The following LCMT1 variants were observed in gnomAD, a reference collection of about 807,000 sequenced individuals.
LCMT1 encodes the protein leucine carboxyl methyltransferase 1.
A neutral mutation model predicts 47.7 loss-of-function variants in LCMT1; 32 were observed. That is an observed-to-expected ratio of 0.67 (90% CI 0.51 to 0.90). The LOEUF (loss-of-function observed/expected upper bound fraction) is 0.90, where lower values mean the gene tolerates loss of function less well. LCMT1 is among the 40% of genes least tolerant of loss of function. LCMT1 has a pLI of 0.00. For missense variants in LCMT1, 375 were observed against 415.2 expected (o/e 0.90, Z 0.84); for synonymous variants, 152 against 149.7 (o/e 1.02, Z -0.11).
At chr16:25,156,380 G>A (rs1961257119) in intron 5 of LCMT1, among the ~76,000 whole-genome samples, 1 of 152,244 alleles carries the variant, frequency 6.6e-6, no homozygotes, top group Admixed American at 6.5e-5. Context: ...TGCACAGACA[G>A]TGTTGAATGA....
intron 1 of LCMT1, among the ~76,000 whole-genome samples, chr16:25,117,823 GCCTGGGCGACAGAGA>G (rs1959845451): frequency 6.6e-6 from 1 of 150,990 alleles, no homozygotes; most frequent in African/African-American, 2.4e-5. Context: ...CTGCATTCCG[GCCTGGGCGACAGAGA>G]GAGACTCCGT....
intron 3 of LCMT1, among the ~76,000 whole-genome samples, chr16:25,134,543 G>A (rs910965723): frequency 6.6e-6 from 1 of 152,122 alleles, no homozygotes; most frequent in African/African-American, 2.4e-5. Flanking sequence ...AGCCTCTGTG[G>A]TTTTTCAGGA....
At chr16:25,170,857 C>A (rs1261324975) in intron 9 of LCMT1, 52 bp downstream of exon 9, 57 of 1,135,866 alleles carry the variant, frequency 5.0e-5, no homozygotes, top group Non-Finnish European at 6.5e-5. Context: ...GAACTCAAGG[C>A]ATGATTGCCT....
At chr16:25,113,021 A>G (rs1326499255) in intron 1 of LCMT1, among the ~76,000 whole-genome samples, 1 of 151,784 alleles carries the variant, frequency 6.6e-6, no homozygotes, top group Non-Finnish European at 1.5e-5. Context: ...GGCGCCTGTA[A>G]TCCCAGCTAC....
At chr16:25,135,001 G>A (rs1052127936) in intron 3 of LCMT1, among the ~76,000 whole-genome samples, 1 of 152,138 alleles carries the variant, frequency 6.6e-6, no homozygotes, top group African/African-American at 2.4e-5. Context: ...TTAACAGGCC[G>A]CTGGAGAGAT....
At chr16:25,113,611 TAG>T (rs1039537786) in intron 1 of LCMT1, among the ~76,000 whole-genome samples, 2 of 152,344 alleles carry the variant, frequency 1.3e-5, no homozygotes, top group South Asian at 2.1e-4. Flanking sequence ...ATTAAAGTCT[TAG>T]AGAGAGTCCC....
Position 25,132,308 on chromosome 16 carries a change from C to G in LCMT1, c.206-94C>G, listed in dbSNP as rs753890315. On this transcript the variant is annotated intron_variant, in intron 2 of 10. Coordinates refer to ENST00000399069, the MANE Select transcript of LCMT1 (RefSeq NM_016309.3). ...CTGACACTGCAGAAGGGCGCATGCT[C>G]TCTGTTTTGCTCTTCTCCTGGGGTG... is the stretch of plus-strand genomic sequence containing the variant. 1.2e-5 allele frequency: 17 copies of G among 1,447,690 alleles called. No individual in the cohort carries two copies. The South Asian group carries it at 1.7e-4, about 15-fold the overall frequency. 89.7% of individuals were successfully genotyped at this position (1,447,690 alleles called of 1,614,324 possible).
intron 1 of LCMT1, among the ~76,000 whole-genome samples, chr16:25,114,864 C>T (rs1959739137): frequency 6.6e-6 from 1 of 152,182 alleles, no homozygotes; most frequent in South Asian, 2.1e-4. Flanking sequence ...TCCTGCCCAA[C>T]TGGAGCCCTC....
intron 5 of LCMT1, 26 bp downstream of exon 5, chr16:25,151,641 G>T (rs1418826503): frequency 6.3e-7 from 1 of 1,593,814 alleles, no homozygotes; most frequent in Non-Finnish European, 8.6e-7. Flanking sequence ...ATGCAAAATG[G>T]ACTGTATCAG....
chr16:25,120,745 T>G (rs1567306823), intron 1 of LCMT1, among the ~76,000 whole-genome samples: 1 of 140,380 alleles, frequency 7.1e-6, no homozygotes, highest in Non-Finnish European at 1.5e-5. Context: ...TTTTGTTTTT[T>G]TTTTTTGTTT....
chr16:25,177,945 C>T (rs1961999898), intron 10 of LCMT1, 56 bp from the exon 11 acceptor site: 1 of 1,547,022 alleles, frequency 6.5e-7, no homozygotes, highest in Admixed American at 1.7e-5. Context: ...CCTCTAGGGG[C>T]CTCTGCTCCT....
chr16:25,168,120 C>T (rs1036782269), intron 7 of LCMT1, among the ~76,000 whole-genome samples: 1 of 152,002 alleles, frequency 6.6e-6, no homozygotes, highest in African/African-American at 2.4e-5. Context: ...GCAATCTCAG[C>T]TCACTGCAGC....
chr16:25,175,421 T>G (rs1421881753), intron 10 of LCMT1, among the ~76,000 whole-genome samples: 2 of 149,738 alleles, frequency 1.3e-5, no homozygotes, highest in Admixed American at 6.7e-5. Context: ...GTCAGGAGTT[T>G]GAGACCAGCC....
At chr16:25,160,065 A>AAGTGATTCTCCTGCCCTC (rs1313817589) in intron 5 of LCMT1, among the ~76,000 whole-genome samples, 1 of 151,626 alleles carries the variant, frequency 6.6e-6, no homozygotes. Context: ...TCCCAGGTTC[A>AAGTGATTCTCCTGCCCTC]AGCCTCGAGA....
rs190409843 is a variant in LCMT1, at chr16:25,130,219, A to G, written c.205+1653A>G. 5.3e-4 allele frequency among the ~76,000 whole-genome samples: 81 copies of G among 151,972 alleles called. 1 individual carries two copies. The highest frequency in any genetic ancestry group is 2.0e-3 in the African/African-American group (81 of 41,432). The stretch of plus-strand genomic sequence containing the variant: ...GCCGGGTGTGGTGGCGGGTGCCTGT[A>G]GTCCCACCTACTTCGGAGGCTGAGG... On this transcript the variant is annotated intron_variant, in intron 2 of 10. Coordinates refer to ENST00000399069, the MANE Select transcript of LCMT1 (RefSeq NM_016309.3).
intron 5 of LCMT1, among the ~76,000 whole-genome samples, chr16:25,152,980 C>T (rs1243585621): frequency 1.3e-5 from 2 of 152,090 alleles, no homozygotes; most frequent in East Asian, 1.9e-4. Flanking sequence ...GGTCAGAGAT[C>T]GTGCAGAGAG....
rs753389428 is a variant in LCMT1, at chr16:25,178,139, G to C, written c.*116G>C. On this transcript the variant is annotated 3_prime_UTR_variant, in exon 11 of 11. Transcript: ENST00000399069. Reference sequence around the variant, plus strand: ...TCCGCAGGTCTCATCCCACACTCTTGAGAAGCCTTGGTCACTACAGTGGTC... The same window carrying C: ...TCCGCAGGTCTCATCCCACACTCTTCAGAAGCCTTGGTCACTACAGTGGTC... The C allele has an allele frequency of 1.4e-5, 12 of 883,056 alleles. No homozygotes were observed. Among genetic ancestry groups the C allele is most frequent in the East Asian group, 2.5e-5 (1 of 40,490 alleles). The allele number at this position is 883,056 out of a possible 1,614,324, so 54.7% of individuals were successfully genotyped here.
intron 3 of LCMT1, among the ~76,000 whole-genome samples, chr16:25,133,782 C>T (rs1960423204): frequency 6.6e-6 from 1 of 150,690 alleles, no homozygotes; most frequent in Admixed American, 6.6e-5. Context: ...ACTTGTAATC[C>T]CAGCACTTTG....
Position 25,132,397 on chromosome 16 carries a change from C to T in LCMT1, c.206-5C>T, listed in dbSNP as rs78101789. The T allele has an allele frequency of 9.3e-6, 15 of 1,613,284 alleles. No individual in the cohort carries two copies. The highest frequency in any genetic ancestry group is 4.4e-5 in the South Asian group (4 of 91,060). On this transcript the variant is annotated splice_polypyrimidine_tract_variant and splice_region_variant and intron_variant, in intron 2 of 10. Transcript: ENST00000399069. The stretch of plus-strand genomic sequence containing the variant: ...GCTTGTTTCTGTGCCTCCCCTCCCC[C>T]CTAGGATATTTTGCTCGAGTCCATG...
Sources: allele counts gnomAD v4.1 joint callset (sites outside exome capture counted in the v4.1 genomes callset), GRCh38; gene constraint gnomAD v4.1.1; transcripts MANE v1.5; gene names NCBI Gene and HGNC (gene_info 2026-07-23, HGNC 2026-07-21).